The following SUGCT variants were observed in gnomAD, a reference collection of about 807,000 sequenced individuals.
The protein encoded by SUGCT is succinyl-CoA:glutarate-CoA transferase, also known as succinyl-CoA:glutarate CoA-transferase.
SUGCT carries 41 observed loss-of-function variants against 55.0 expected under a neutral mutation model. That is an observed-to-expected ratio of 0.74 (90% CI 0.58 to 0.97). SUGCT has a LOEUF of 0.97. Among genes scored for constraint, SUGCT ranks in the 50% least tolerant of loss-of-function variants. The probability of loss-of-function intolerance (pLI) is 0.00; values close to 1 mark genes in which losing one functional copy is unlikely to be tolerated. For missense variants in SUGCT, 568 were observed against 547.8 expected, an observed-to-expected ratio of 1.04 and a Z score of -0.37; for synonymous variants, 187 against 200.4, an observed-to-expected ratio of 0.93 and a Z score of 0.56.
chr7:40,867,671 T>C, the SUGCT span, among the ~76,000 whole-genome samples: 3 of 152,216 alleles, frequency 2.0e-5, no homozygotes, highest in South Asian at 6.2e-4. Context: ...CTTTTAGTTT[T>C]GGTTTGTTGG....
At chr7:40,887,718 C>T in the SUGCT span, among the ~76,000 whole-genome samples, 1 of 152,050 alleles carries the variant, frequency 6.6e-6, no homozygotes. Context: ...ACTAGAGAGA[C>T]AAAGGTGGGA....
At chr7:40,321,615 T>C (rs891606246) in intron 9 of SUGCT, among the ~76,000 whole-genome samples, 1 of 151,736 alleles carries the variant, frequency 6.6e-6, no homozygotes, top group African/African-American at 2.4e-5. Context: ...ATGCCTGACC[T>C]CAGGTGATCC....
intron 13 of SUGCT, among the ~76,000 whole-genome samples, chr7:40,769,221 T>C (rs1007049357): frequency 9.2e-5 from 14 of 151,804 alleles, no homozygotes; most frequent in Non-Finnish European, 1.9e-4. Flanking sequence ...AAGTGTAGAG[T>C]AGGGAATTGA....
chr7:40,253,408 A>C (rs1244260040), intron 7 of SUGCT, among the ~76,000 whole-genome samples: 1 of 152,202 alleles, frequency 6.6e-6, no homozygotes, highest in Admixed American at 6.5e-5. Context: ...TCATGCGTGA[A>C]ATTATATTTC....
intron 9 of SUGCT, among the ~76,000 whole-genome samples, chr7:40,363,596 G>A (rs1452456239): frequency 6.6e-6 from 1 of 152,194 alleles, no homozygotes; most frequent in Non-Finnish European, 1.5e-5. Flanking sequence ...GGAGCAGGTT[G>A]TTCAGTTTCC....
chr7:40,899,839 A>G, the SUGCT span, among the ~76,000 whole-genome samples: 1 of 151,710 alleles, frequency 6.6e-6, no homozygotes, highest in Non-Finnish European at 1.5e-5. Flanking sequence ...TGAGTCTTTA[A>G]CCTGCCACTC....
intron 6 of SUGCT, among the ~76,000 whole-genome samples, chr7:40,233,211 T>TTTA (rs553460502): frequency 3.5e-4 from 53 of 151,326 alleles, no homozygotes; most frequent in South Asian, 1.3e-3. Flanking sequence ...AATATATATG[T>TTTA]TTATTATTAT....
intron 7 of SUGCT, among the ~76,000 whole-genome samples, chr7:40,247,330 A>C (rs1425030574): frequency 6.6e-6 from 1 of 152,066 alleles, no homozygotes; most frequent in Non-Finnish European, 1.5e-5. Flanking sequence ...ATCTGAGCTC[A>C]CTGCAACCTC....
chr7:40,687,363 C>T (rs989845943), intron 12 of SUGCT, among the ~76,000 whole-genome samples: 4 of 152,182 alleles, frequency 2.6e-5, no homozygotes, highest in Non-Finnish European at 5.9e-5. Context: ...TTCTCTGACA[C>T]TGGTGGACTC....
chr7:40,625,338 T>C (rs532209987), intron 12 of SUGCT, among the ~76,000 whole-genome samples: 1 of 152,132 alleles, frequency 6.6e-6, no homozygotes, highest in Non-Finnish European at 1.5e-5. Context: ...TAGGTGAAGG[T>C]TTATATCCCA....
chr7:40,446,829 G>T (rs1788865140), intron 9 of SUGCT, among the ~76,000 whole-genome samples: 1 of 152,168 alleles, frequency 6.6e-6, no homozygotes. Context: ...TTTATGTTAT[G>T]ATGGAAGTAC....
At chr7:40,730,720 C>T (rs936623842) in intron 12 of SUGCT, among the ~76,000 whole-genome samples, 3 of 152,190 alleles carry the variant, frequency 2.0e-5, no homozygotes, top group Admixed American at 6.5e-5. Flanking sequence ...CTGGCAACCA[C>T]CATTCTACTC....
rs148005595 is a variant in SUGCT at position 40,771,718 on chromosome 7, TGAAAG to T, written c.1153+22226_1153+22230del. 2.1e-3 allele frequency among the ~76,000 whole-genome samples: 327 copies of T among 152,288 alleles called. 1 individual carries two copies. The highest frequency in any genetic ancestry group is 7.4e-3 in the African/African-American group (306 of 41,568). On this transcript the variant is annotated intron_variant, in intron 13 of 13. Coordinates refer to ENST00000335693, the MANE Select transcript of SUGCT (RefSeq NM_001193313.2). ...CTGAAGAAGTGAAATAAATGAGACTTGAAAGGAAATATAATTTTAAAAGACATTCT... is the reference window on the plus strand; with the variant it reads ...CTGAAGAAGTGAAATAAATGAGACTTGAAATATAATTTTAAAAGACATTCT...
intron 9 of SUGCT, among the ~76,000 whole-genome samples, chr7:40,363,186 A>T (rs62453370): frequency 6.8e-6 from 1 of 147,828 alleles, no homozygotes; most frequent in Non-Finnish European, 1.5e-5. Context: ...TATTGCATCT[A>T]TTTGATTCTT....
chr7:40,217,017 C>G (rs1045105401), intron 6 of SUGCT, among the ~76,000 whole-genome samples: 3 of 152,010 alleles, frequency 2.0e-5, no homozygotes, highest in African/African-American at 7.2e-5. Flanking sequence ...TTTCCCCCCC[C>G]TCAGTCTTAT....
intron 9 of SUGCT, among the ~76,000 whole-genome samples, chr7:40,392,331 T>C (rs972825738): frequency 6.6e-6 from 1 of 151,928 alleles, no homozygotes; most frequent in Non-Finnish European, 1.5e-5. Context: ...AAATTAGATA[T>C]AGAGATGAAA....
intron 12 of SUGCT, among the ~76,000 whole-genome samples, chr7:40,504,543 T>C (rs1210871860): frequency 6.6e-6 from 1 of 152,104 alleles, no homozygotes; most frequent in Non-Finnish European, 1.5e-5. Flanking sequence ...CAAGCAACTC[T>C]CATGCCTCAG....
At chr7:40,753,250 C>T (rs1049866567) in intron 13 of SUGCT, among the ~76,000 whole-genome samples, 2 of 152,108 alleles carry the variant, frequency 1.3e-5, no homozygotes, top group Non-Finnish European at 2.9e-5. Flanking sequence ...TTCTGCCTTT[C>T]TTTGTTGGGG....
intron 12 of SUGCT, among the ~76,000 whole-genome samples, chr7:40,685,418 A>G (rs968105352): frequency 2.6e-5 from 4 of 152,132 alleles, no homozygotes; most frequent in Admixed American, 2.0e-4. Flanking sequence ...TCCTCTCACC[A>G]TCAACTTGGG....
Sources: allele counts gnomAD v4.1 joint callset (sites outside exome capture counted in the v4.1 genomes callset), GRCh38; gene constraint gnomAD v4.1.1; transcripts MANE v1.5; gene names NCBI Gene and HGNC (gene_info 2026-07-23, HGNC 2026-07-21).